Variants in BCAS1 observed in about 807,000 individuals in gnomAD.
BCAS1 encodes breast carcinoma-amplified sequence 1.
A neutral mutation model predicts 65.4 loss-of-function variants in BCAS1; 46 were observed. The observed-to-expected ratio is 0.70, with a 90% CI of 0.55 to 0.90. The LOEUF (loss-of-function observed/expected upper bound fraction) is 0.90. Among genes scored for constraint, BCAS1 ranks in the 40% least tolerant of loss-of-function variants. BCAS1 has a pLI of 0.00. For missense variants in BCAS1, 793 were observed against 771.2 expected, an observed-to-expected ratio of 1.03 and a Z score of -0.33; for synonymous variants, 298 against 293.5, an observed-to-expected ratio of 1.02 and a Z score of -0.16.
intron 12 of BCAS1, among the ~76,000 whole-genome samples, chr20:53,945,287 C>G (rs2089275962): frequency 6.6e-6 from 1 of 152,102 alleles, no homozygotes; most frequent in Admixed American, 6.5e-5. Context: ...GGGTTGTTCC[C>G]AAGATAAAGT....
chr20:53,998,372 G>C (rs1420114269), intron 4 of BCAS1, among the ~76,000 whole-genome samples: 6 of 152,210 alleles, frequency 3.9e-5, no homozygotes. Flanking sequence ...AGCCTTTACA[G>C]GAAGCATGGG....
At chr20:54,048,570 A>T (rs2092153265) in intron 3 of BCAS1, among the ~76,000 whole-genome samples, 1 of 152,072 alleles carries the variant, frequency 6.6e-6, no homozygotes. Flanking sequence ...TGATGTAGAG[A>T]TGTGATGTTT....
intron 8 of BCAS1, among the ~76,000 whole-genome samples, chr20:53,981,177 T>C (rs2090467649): frequency 6.6e-6 from 1 of 152,200 alleles, no homozygotes; most frequent in Non-Finnish European, 1.5e-5. Context: ...AAAAGCATCA[T>C]TTTGATCATG....
intron 10 of BCAS1, 30 bp downstream of exon 10, chr20:53,966,876 G>A (rs35940228): frequency 6.4e-7 from 1 of 1,571,946 alleles, no homozygotes; most frequent in Non-Finnish European, 8.6e-7. Context: ...AGGTATCTTA[G>A]GTTTCCTATA....
rs754071749 is a variant in BCAS1 at position 53,985,366 on chromosome 20, G to A, written c.1196C>T (p.Thr399Ile). The change falls in exon 8 of 13, where the codon ACC becomes ATC. Residue 399 changes from threonine (T) to isoleucine (I), a missense_variant. Coordinates refer to ENST00000688948, the MANE Select transcript of BCAS1 (RefSeq NM_001366298.2). Reference protein sequence around the residue: ...NPSGHTQSVTTPEPAKEGTKE... With the variant: ...NPSGHTQSVTIPEPAKEGTKE... ...GGTGCCTTCCTTCGCAGGTTCAGGG[G>A]TTGTCACGGACTGTGTGTGCCCCGA... The A allele has an allele frequency of 1.9e-6, 3 of 1,614,098 alleles. No individual in the cohort carries two copies. Among genetic ancestry groups the A allele is most frequent in the South Asian group, 1.1e-5 (1 of 91,078 alleles).
At chr20:53,999,227 CA>C (rs1402204536) in intron 4 of BCAS1, among the ~76,000 whole-genome samples, 1 of 152,138 alleles carries the variant, frequency 6.6e-6, no homozygotes, top group Non-Finnish European at 1.5e-5. Flanking sequence ...TTAACTCTCC[CA>C]AAAAGTACTG....
rs2092331300 is a variant in BCAS1, at chr20:54,058,507, A to T, written c.72+140T>A. On this transcript the variant is annotated intron_variant, in intron 2 of 12. Coordinates refer to ENST00000688948, the MANE Select transcript of BCAS1 (RefSeq NM_001366298.2). ...TGCTGATTCTGACACCTTTTAGGTT[A>T]TCCTCGCTCCACTGTCTTGCACACA... 7 of 1,423,656 alleles carry T rather than the reference A, an allele frequency of 4.9e-6. No homozygotes were observed. The South Asian group carries it at 5.8e-5, about 12-fold the overall frequency. The allele number at this position is 1,423,656 out of a possible 1,614,324, so 88.2% of individuals were successfully genotyped here. A position where few individuals can be genotyped will look rare whatever the true frequency, so the allele number is the denominator to read the frequency against.
intron 6 of BCAS1, among the ~76,000 whole-genome samples, chr20:53,993,747 C>T (rs188143697): frequency 6.6e-6 from 1 of 152,188 alleles, no homozygotes; most frequent in Non-Finnish European, 1.5e-5. Flanking sequence ...TTGAACTTGA[C>T]CCTATGACCT....
chr20:53,953,037 G>T (rs1359890555), intron 12 of BCAS1, among the ~76,000 whole-genome samples: 3 of 152,160 alleles, frequency 2.0e-5, no homozygotes, highest in Non-Finnish European at 4.4e-5. Context: ...CAGAGCATCT[G>T]CTACGCACAA....
intron 4 of BCAS1, among the ~76,000 whole-genome samples, chr20:54,012,038 G>A (rs1221393388): frequency 6.6e-6 from 1 of 152,172 alleles, no homozygotes; most frequent in Non-Finnish European, 1.5e-5. Context: ...TACTTCCACA[G>A]CATGGGATAC....
intron 7 of BCAS1, 144 bp downstream of exon 7, chr20:53,992,368 C>A (rs1204741722): frequency 8.4e-6 from 5 of 596,922 alleles, no homozygotes; most frequent in Non-Finnish European, 1.2e-5. Context: ...AAGTTTAATT[C>A]ATATCATCTT....
chr20:54,042,367 C>T (rs138933113), intron 3 of BCAS1, among the ~76,000 whole-genome samples: 1 of 152,166 alleles, frequency 6.6e-6, no homozygotes, highest in East Asian at 1.9e-4. Context: ...TATAACAAAC[C>T]TGCACATGTA....
intron 4 of BCAS1, among the ~76,000 whole-genome samples, chr20:54,009,257 G>A (rs2091270918): frequency 6.6e-6 from 1 of 152,122 alleles, no homozygotes; most frequent in Non-Finnish European, 1.5e-5. Flanking sequence ...GAATTGAAAG[G>A]TATAATAATG....
chr20:54,060,757 A>T (rs536418071), intron 1 of BCAS1, among the ~76,000 whole-genome samples: 2 of 152,306 alleles, frequency 1.3e-5, no homozygotes, highest in South Asian at 4.1e-4. Flanking sequence ...AAAGTTGAAT[A>T]TTTAATTTAT....
At chr20:54,069,977 A>G (rs2146405219) in intron 1 of BCAS1, among the ~76,000 whole-genome samples, 1 of 152,200 alleles carries the variant, frequency 6.6e-6, no homozygotes, top group East Asian at 1.9e-4. Flanking sequence ...GATTCACAAA[A>G]GGCACTCCAC....
At chr20:54,052,163 A>C (rs1268026556) in intron 3 of BCAS1, among the ~76,000 whole-genome samples, 1 of 152,248 alleles carries the variant, frequency 6.6e-6, no homozygotes, top group Non-Finnish European at 1.5e-5. Context: ...AATTCAGTGC[A>C]TTTTGACAAA....
Position 53,973,808 on chromosome 20 carries a change from G to A in BCAS1, c.1317+1581C>T, listed in dbSNP as rs554331350. Among the ~76,000 whole-genome samples the A allele has an allele frequency of 2.6e-5, 4 of 152,244 alleles. No homozygotes were observed. In the East Asian group the frequency reaches 7.7e-4, roughly 29 times the overall value. ...TTGGCTCAAGAAAGAAAAGAAGGAA[G>A]GAAGGAAGGAGGAAGGAAGGAAGGG... On this transcript the variant is annotated intron_variant, in intron 9 of 12. Coordinates refer to ENST00000688948, the MANE Select transcript of BCAS1 (RefSeq NM_001366298.2).
chr20:54,053,960 G>GA lies in BCAS1; in HGVS notation c.142+4124dup, dbSNP rs535207167. 2.2e-4 allele frequency among the ~76,000 whole-genome samples: 33 copies of GA among 152,306 alleles called. No homozygotes were observed. In the South Asian group the frequency reaches 6.6e-3, roughly 31 times the overall value. On this transcript the variant is annotated intron_variant, in intron 3 of 12. Coordinates refer to ENST00000688948, the MANE Select transcript of BCAS1 (RefSeq NM_001366298.2). The stretch of plus-strand genomic sequence containing the variant: ...ACCTGAGACTGGGTAATTTATAAAG[G>GA]AAAGAGGTTTAATGGACTTACAGCT...
intron 1 of BCAS1, among the ~76,000 whole-genome samples, chr20:54,065,740 C>A (rs1344311904): frequency 6.6e-6 from 1 of 152,160 alleles, no homozygotes; most frequent in African/African-American, 2.4e-5. Context: ...TGCCTGGGCT[C>A]CCCTCTGGCT....
Sources: allele counts gnomAD v4.1 joint callset (sites outside exome capture counted in the v4.1 genomes callset), GRCh38; gene constraint gnomAD v4.1.1; transcripts MANE v1.5; gene names NCBI Gene and HGNC (gene_info 2026-07-23, HGNC 2026-07-21).